Variants in ACOT12 observed in about 807,000 individuals in gnomAD.
The protein encoded by ACOT12 is acetyl-coenzyme A thioesterase.
ACOT12 carries 51 observed loss-of-function variants against 67.7 expected under a neutral mutation model. The observed-to-expected ratio is 0.75, with a 90% CI of 0.60 to 0.95. ACOT12 has a LOEUF of 0.95. Among genes scored for constraint, ACOT12 ranks in the 40% least tolerant of loss-of-function variants. ACOT12 has a pLI of 0.00. For synonymous variants in ACOT12, 251 were observed against 244.6 expected (o/e 1.03, Z -0.24); for missense variants, 734 against 708.1 (o/e 1.04, Z -0.41).
intron 9 of ACOT12, 88 bp downstream of exon 9, chr5:81,344,069 TACG>T: frequency 7.1e-7 from 1 of 1,399,500 alleles, no homozygotes; most frequent in South Asian, 1.2e-5. Context: ...CTTTTTCCGT[TACG>T]TGGGAATAGA....
At chr5:81,374,201 C>T (rs1488596548) in intron 2 of ACOT12, among the ~76,000 whole-genome samples, 1 of 152,182 alleles carries the variant, frequency 6.6e-6, no homozygotes, top group Admixed American at 6.5e-5. Flanking sequence ...CAAACAGGGT[C>T]TGGAGTGGGC....
intron 3 of ACOT12, among the ~76,000 whole-genome samples, chr5:81,371,062 T>A (rs1299581131): frequency 6.6e-6 from 1 of 152,182 alleles, no homozygotes; most frequent in South Asian, 2.1e-4. Flanking sequence ...ATGGGACTAG[T>A]TTCTGTCAGA....
rs192142219 is a variant in ACOT12 at position 81,381,348 on chromosome 5, C to T, written c.197+4409G>A. On this transcript the variant is annotated intron_variant, in intron 2 of 14. Coordinates refer to ENST00000307624, the MANE Select transcript of ACOT12 (RefSeq NM_130767.3). ...CCTTCCAAAGTGCAGGGATTACAGG[C>T]GTGAGCCCCTGCACCCGGCCAGTAT... Among the ~76,000 whole-genome samples the T allele has an allele frequency of 6.0e-4, 92 of 152,192 alleles. 1 individual carries two copies. Among genetic ancestry groups the T allele is most frequent in the African/African-American group, 2.0e-3 (85 of 41,540 alleles).
At position 81,371,775 on chromosome 5, in the gene ACOT12, G is replaced by A. The variant is rs759826001; in HGVS notation, c.233C>T (p.Thr78Ile). 4 of 1,613,986 alleles carry A rather than the reference G, an allele frequency of 2.5e-6. No individual in the cohort carries two copies. The highest frequency in any genetic ancestry group is 3.4e-6 in the Non-Finnish European group (4 of 1,180,010). The change falls in exon 3 of 15, where the codon ACT becomes ATT. Residue 78 changes from threonine (T) to isoleucine (I), a missense_variant. Coordinates refer to ENST00000307624, the MANE Select transcript of ACOT12 (RefSeq NM_130767.3). ...CTCCATGCTTGTGCTGAATGCTCTAGTAACTTTTGCTTTGATGGTTATAAC... is the reference window on the plus strand; with the variant it reads ...CTCCATGCTTGTGCTGAATGCTCTAATAACTTTTGCTTTGATGGTTATAAC... ...GQVITIKAKV[T>I]RAFSTSMEIS...
chr5:81,358,694 A>G (rs1287415702), intron 5 of ACOT12, among the ~76,000 whole-genome samples: 1 of 152,152 alleles, frequency 6.6e-6, no homozygotes. Flanking sequence ...TACTAAAAAT[A>G]CAAAATTAGC....
chr5:81,326,307 A>G (rs1210146119), downstream of ACOT12, among the ~76,000 whole-genome samples: 1 of 151,536 alleles, frequency 6.6e-6, no homozygotes, highest in Non-Finnish European at 1.5e-5. Context: ...TATTTTTAGT[A>G]CAGATGGGGT....
At chr5:81,308,996 T>A in the ACOT12 span, 1 of 1,613,392 alleles carries the variant, frequency 6.2e-7, no homozygotes, top group South Asian at 1.1e-5. Context: ...GGGGCACCTG[T>A]CTAGATCTTG....
At chr5:81,347,131 CTTTA>C (rs1352105104) in intron 6 of ACOT12, among the ~76,000 whole-genome samples, 23 of 152,124 alleles carry the variant, frequency 1.5e-4, no homozygotes, top group African/African-American at 5.3e-4. Flanking sequence ...AACTAACTGA[CTTTA>C]TTTATTTACT....
the ACOT12 span, among the ~76,000 whole-genome samples, chr5:81,318,980 A>G: frequency 6.6e-6 from 1 of 150,962 alleles, no homozygotes; most frequent in Admixed American, 6.6e-5. Flanking sequence ...TTAGGCTGCT[A>G]TTTTTCACAG....
At chr5:81,361,870 G>C (rs10040901) in intron 4 of ACOT12, among the ~76,000 whole-genome samples, 78,989 of 152,022 alleles carry the variant, frequency 0.52, 21,768 homozygotes, top group African/African-American at 0.7. Flanking sequence ...TTTTAATCAG[G>C]GTACATTATG....
intron 3 of ACOT12, among the ~76,000 whole-genome samples, chr5:81,365,452 T>C (rs1760050354): frequency 6.6e-6 from 1 of 152,100 alleles, no homozygotes; most frequent in African/African-American, 2.4e-5. Flanking sequence ...TTTAGAGAAA[T>C]GGACAAATGA....
downstream of ACOT12, among the ~76,000 whole-genome samples, chr5:81,326,966 C>G (rs1758687334): frequency 6.6e-6 from 1 of 152,088 alleles, no homozygotes; most frequent in African/African-American, 2.4e-5. Context: ...ATAATTTACT[C>G]TAAATCACAA....
At chr5:81,379,529 C>G (rs1488951099) in intron 2 of ACOT12, among the ~76,000 whole-genome samples, 2 of 151,810 alleles carry the variant, frequency 1.3e-5, no homozygotes, top group African/African-American at 4.8e-5. Flanking sequence ...CATAATCTAA[C>G]AACACGTCAT....
At chr5:81,360,230 G>A (rs1162690212) in intron 4 of ACOT12, among the ~76,000 whole-genome samples, 192 bp from the exon 5 acceptor site, 2 of 152,090 alleles carry the variant, frequency 1.3e-5, no homozygotes, top group Non-Finnish European at 2.9e-5. Flanking sequence ...AATCAACATA[G>A]GCGTAATTAT....
At chr5:81,338,847 C>T (rs564830221) in intron 11 of ACOT12, among the ~76,000 whole-genome samples, 3 of 152,144 alleles carry the variant, frequency 2.0e-5, no homozygotes, top group East Asian at 1.9e-4. Flanking sequence ...TTTGGGAGGC[C>T]GAGGTGGGCA....
intron 12 of ACOT12, among the ~76,000 whole-genome samples, 198 bp from the exon 13 acceptor site, chr5:81,332,803 C>A (rs1308286736): frequency 1.3e-5 from 2 of 152,078 alleles, no homozygotes; most frequent in Non-Finnish European, 1.5e-5. Context: ...GTGGCTCATG[C>A]CTGCAATCCT....
chr5:81,346,058 G>A, intron 6 of ACOT12, 54 bp from the exon 7 acceptor site: 5 of 1,597,122 alleles, frequency 3.1e-6, no homozygotes, highest in South Asian at 1.1e-5. Context: ...TTCATTCATC[G>A]AACAAATGCA....
At chr5:81,315,320 C>T in the ACOT12 span, among the ~76,000 whole-genome samples, 1 of 152,166 alleles carries the variant, frequency 6.6e-6, no homozygotes, top group Admixed American at 6.5e-5. Flanking sequence ...TCCCCATGGC[C>T]AGCCCCCCAT....
chr5:81,389,171 G>T (rs1760803640), intron 1 of ACOT12, among the ~76,000 whole-genome samples: 2 of 152,186 alleles, frequency 1.3e-5, no homozygotes, highest in African/African-American at 4.8e-5. Context: ...ATCCAGGAAG[G>T]CTGGAGGGCA....
Sources: gnomAD v4.1 joint callset for allele counts (sites outside exome capture counted in the v4.1 genomes callset) on GRCh38, gnomAD v4.1.1 for gene constraint, MANE v1.5 for transcripts, NCBI Gene and HGNC (gene_info 2026-07-23, HGNC 2026-07-21) for gene names.